MICU1: variants seen among roughly 807,000 people sequenced by gnomAD.
MICU1 encodes mitochondrial calcium uptake 1.
In MICU1, 45 loss-of-function variants were observed where a neutral mutation model predicts 56.8. The observed-to-expected ratio is 0.79, with a 90% CI of 0.62 to 1.02. The LOEUF is 1.02. Among genes scored for constraint, MICU1 ranks in the 50% least tolerant of loss-of-function variants. The pLI is 0.00. For missense variants in MICU1, 504 were observed against 587.1 expected, an observed-to-expected ratio of 0.86 and a Z score of 1.46; for synonymous variants, 186 against 195.1, an observed-to-expected ratio of 0.95 and a Z score of 0.39.
intron 1 of MICU1, among the ~76,000 whole-genome samples, chr10:72,621,246 C>A (rs1842096734): frequency 6.6e-6 from 1 of 151,970 alleles, no homozygotes; most frequent in African/African-American, 2.4e-5. Context: ...GCCTATAATC[C>A]CAGCACTTTG....
intron 8 of MICU1, among the ~76,000 whole-genome samples, chr10:72,442,947 G>GT (rs1221571560): frequency 2.0e-5 from 3 of 152,048 alleles, no homozygotes; most frequent in Non-Finnish European, 4.4e-5. Context: ...GGTAGAGATG[G>GT]TGTTTCGTCA....
chr10:72,571,896 A>T (rs1387969743), intron 1 of MICU1, among the ~76,000 whole-genome samples: 1 of 152,174 alleles, frequency 6.6e-6, no homozygotes. Context: ...TCTAAAAAAA[A>T]AATAATGATA....
At chr10:72,591,598 T>G (rs1003099441) in intron 1 of MICU1, among the ~76,000 whole-genome samples, 3 of 152,172 alleles carry the variant, frequency 2.0e-5, no homozygotes, top group Non-Finnish European at 4.4e-5. Flanking sequence ...TATGAACAAC[T>G]GTATACCAAC....
At chr10:72,539,959 C>T (rs1405916629) in intron 4 of MICU1, among the ~76,000 whole-genome samples, 2 of 152,206 alleles carry the variant, frequency 1.3e-5, no homozygotes, top group African/African-American at 4.8e-5. Context: ...AAGTCCAGTT[C>T]CAGGTATATG....
At chr10:72,555,306 A>G (rs978854160) in intron 3 of MICU1, among the ~76,000 whole-genome samples, 1 of 152,220 alleles carries the variant, frequency 6.6e-6, no homozygotes, top group Admixed American at 6.5e-5. Context: ...CAAACAAAAC[A>G]AAAAAGCAGA....
intron 1 of MICU1, among the ~76,000 whole-genome samples, chr10:72,571,652 G>C (rs1840613304): frequency 6.6e-6 from 1 of 152,204 alleles, no homozygotes; most frequent in Non-Finnish European, 1.5e-5. Context: ...AGAGAGAGCT[G>C]ACAGGAAAGT....
At chr10:72,498,630 C>T (rs1441090119) in intron 6 of MICU1, among the ~76,000 whole-genome samples, 3 of 152,026 alleles carry the variant, frequency 2.0e-5, no homozygotes, top group Non-Finnish European at 2.9e-5. Flanking sequence ...CGGATTTACT[C>T]CCTGCTTTCC....
At chr10:72,621,869 G>A (rs1842112585) in intron 1 of MICU1, among the ~76,000 whole-genome samples, 1 of 152,038 alleles carries the variant, frequency 6.6e-6, no homozygotes, top group African/African-American at 2.4e-5. Context: ...CACATAAACT[G>A]TAAATACAAT....
At chr10:72,590,649 TA>T (rs1240959330) in intron 1 of MICU1, among the ~76,000 whole-genome samples, 1 of 151,612 alleles carries the variant, frequency 6.6e-6, no homozygotes, top group Non-Finnish European at 1.5e-5. Flanking sequence ...CCGTCTCTAC[TA>T]AAAATACAAA....
At chr10:72,381,213 G>A (rs1434568044) in intron 10 of MICU1, among the ~76,000 whole-genome samples, 1 of 152,204 alleles carries the variant, frequency 6.6e-6, no homozygotes, top group Non-Finnish European at 1.5e-5. Context: ...CAGTCTCTAA[G>A]CTGTGTGGCC....
At chr10:72,374,898 C>A (rs1166226181) in intron 11 of MICU1, among the ~76,000 whole-genome samples, 1 of 146,892 alleles carries the variant, frequency 6.8e-6, no homozygotes. Flanking sequence ...CTCCCTGCTG[C>A]CTCCCGGGTT....
At chr10:72,566,551 A>C in intron 2 of MICU1, 82 bp downstream of exon 2, 1 of 1,404,038 alleles carries the variant, frequency 7.1e-7, no homozygotes. Flanking sequence ...GAGTTAAGCC[A>C]GAAATCAACT....
At chr10:72,534,207 A>C (rs867597155) in intron 4 of MICU1, among the ~76,000 whole-genome samples, 4,112 of 151,980 alleles carry the variant, frequency 0.027, 185 homozygotes, top group African/African-American at 0.095. Flanking sequence ...AAAAAAAAAA[A>C]AAAAAACTAT....
chr10:72,517,890 A>T (rs1867698257), intron 5 of MICU1, among the ~76,000 whole-genome samples: 1 of 151,918 alleles, frequency 6.6e-6, no homozygotes, highest in Admixed American at 6.6e-5. Context: ...CCCTAAGCAA[A>T]CACCACTTAT....
intron 4 of MICU1, among the ~76,000 whole-genome samples, chr10:72,535,542 A>G (rs1291485282): frequency 1.3e-5 from 2 of 152,216 alleles, no homozygotes; most frequent in African/African-American, 2.4e-5. Context: ...AAACTTTCTC[A>G]TAACTATAGA....
intron 6 of MICU1, among the ~76,000 whole-genome samples, 197 bp downstream of exon 6, chr10:72,507,958 T>C (rs963896446): frequency 6.6e-6 from 1 of 152,184 alleles, no homozygotes; most frequent in Non-Finnish European, 1.5e-5. Context: ...ACTTTAGTTT[T>C]CTCTTCTTTC....
chr10:72,509,839 G>C (rs183578003), intron 5 of MICU1, among the ~76,000 whole-genome samples: 1 of 152,032 alleles, frequency 6.6e-6, no homozygotes, highest in African/African-American at 2.4e-5. Context: ...ATGAGAACTA[G>C]AACAGCAAAG....
rs1198685448 is a variant in MICU1, at chr10:72,569,917, T to A, written c.-1-3123A>T. On this transcript the variant is annotated intron_variant, in intron 1 of 11. Coordinates refer to ENST00000361114, the MANE Select transcript of MICU1 (RefSeq NM_001195518.2). ...AAGAATCCATGCCCCCTTTGATTTT[T>A]CTCAAAGCACAGTTCACTGATTCCT... 2.2e-4 allele frequency among the ~76,000 whole-genome samples: 34 copies of A among 152,298 alleles called. 2 individuals are homozygous for A. In the East Asian group the frequency reaches 6.4e-3, roughly 29 times the overall value.
rs1554870802 is a variant in MICU1, at chr10:72,441,620, T to TTTC, written c.934-18250_934-18249insGAA. Among the ~76,000 whole-genome samples, 24 of 139,556 alleles carry TTTC rather than the reference T, an allele frequency of 1.7e-4. 2 individuals carry two copies. Among genetic ancestry groups the TTTC allele is most frequent in the Admixed American group, 2.1e-4 (3 of 14,094 alleles). The allele number at this position is 139,556 out of a possible 152,430, so 91.6% of individuals were successfully genotyped here. A position where few individuals can be genotyped will look rare whatever the true frequency, so the allele number is the denominator to read the frequency against. ...TTCACTTATTTTTAATTTTTCTTTTTTTTTTTTTTTTTTTGAGGCAGAACC... is the reference window on the plus strand; with the variant it reads ...TTCACTTATTTTTAATTTTTCTTTTTTTCTTTTTTTTTTTTTTGAGGCAGAACC... On this transcript the variant is annotated intron_variant, in intron 8 of 11. Transcript: ENST00000361114.
Sources: allele counts gnomAD v4.1 joint callset (sites outside exome capture counted in the v4.1 genomes callset), GRCh38; gene constraint gnomAD v4.1.1; transcripts MANE v1.5; gene names NCBI Gene and HGNC (gene_info 2026-07-23, HGNC 2026-07-21).